The following PRPF6 variants were observed in gnomAD, a reference collection of about 807,000 sequenced individuals.
PRPF6 encodes the protein pre-mRNA processing factor 6.
PRPF6 carries 42 observed loss-of-function variants against 118.3 expected under a neutral mutation model. The observed-to-expected ratio is 0.35, with a 90% CI of 0.28 to 0.46. The LOEUF (loss-of-function observed/expected upper bound fraction) is 0.46, where lower values mean the gene tolerates loss of function less well. PRPF6 is among the 20% of genes least tolerant of loss of function. The pLI, the probability that PRPF6 is intolerant of heterozygous loss-of-function variation, is 1.00. For missense variants in PRPF6, 662 were observed against 1,255.7 expected (o/e 0.53, Z 7.15); for synonymous variants, 481 against 485.1 (o/e 0.99, Z 0.11).
rs774301488 is a variant in PRPF6 at position 64,027,032 on chromosome 20, A to C, written c.2079A>C (p.Ala693=). The change falls in exon 16 of 21, where the codon GCA becomes GCC. Residue 693 remains alanine (A), a synonymous_variant. Coordinates refer to ENST00000266079, the MANE Select transcript of PRPF6 (RefSeq NM_012469.4). This position sits in a 1 kb window ranked among gnomAD's most constrained non-coding sequence, Gnocchi z 6.5. ...KLEWVQDNIR[A]AQDLCEEALR... Reference sequence around the variant, plus strand: ...AGTGGGTGCAAGACAACATCAGGGCAGCCCAAGATCTGTGCGAGGAGGCCC... The same window carrying C: ...AGTGGGTGCAAGACAACATCAGGGCCGCCCAAGATCTGTGCGAGGAGGCCC... 6.2e-7 allele frequency: 1 copy of C among 1,614,096 alleles called. No individual in the cohort carries two copies. The highest frequency in any genetic ancestry group is 8.5e-7 in the Non-Finnish European group (1 of 1,180,036).
intron 9 of PRPF6, among the ~76,000 whole-genome samples, chr20:64,003,629 T>G (rs1004419116): frequency 5.3e-5 from 8 of 152,294 alleles, no homozygotes; most frequent in Non-Finnish European, 1.2e-4. Context: ...AGAGTCTCGC[T>G]CTGTCGCCCA....
intron 4 of PRPF6, among the ~76,000 whole-genome samples, chr20:63,994,491 T>C (rs977425513): frequency 1.2e-4 from 19 of 152,318 alleles, no homozygotes; most frequent in African/African-American, 3.6e-4. Context: ...TAGAAAACTA[T>C]TTTTGGGGCT....
At position 64,028,621 on chromosome 20, in the gene PRPF6, G is replaced by A. The variant is rs752680742; in HGVS notation, c.2431+52G>A. The A allele has an allele frequency of 1.6e-5, 26 of 1,593,778 alleles. No homozygotes were observed. In the South Asian group the frequency reaches 2.8e-4, roughly 17 times the overall value. ...GGGGGTGCCCTGACTCCGGTAAGGG[G>A]GTGCCTTGACTCCGGTAAGGGGGTG... On this transcript the variant is annotated intron_variant, in intron 18 of 20. Coordinates refer to ENST00000266079, the MANE Select transcript of PRPF6 (RefSeq NM_012469.4). This position sits in a 1 kb window ranked among gnomAD's most constrained non-coding sequence, Gnocchi z 6.5.
intron 11 of PRPF6, 47 bp from the exon 12 acceptor site, chr20:64,016,673 TGCA>T: frequency 6.2e-7 from 1 of 1,610,512 alleles, no homozygotes; most frequent in Non-Finnish European, 8.5e-7. Flanking sequence ...GTTGGGAATC[TGCA>T]GCTCTGATTT....
chr20:63,994,875 C>G (rs755711002), intron 4 of PRPF6, 41 bp from the exon 5 acceptor site: 1 of 1,613,484 alleles, frequency 6.2e-7, no homozygotes, highest in Admixed American at 1.7e-5. Flanking sequence ...ACATGAAATT[C>G]TGTCAGAGAA....
rs1601530614 is a variant in PRPF6 at position 64,022,844 on chromosome 20, C to T, written c.1735C>T (p.Arg579Cys). The T allele has an allele frequency of 5.6e-6, 9 of 1,614,048 alleles. No homozygotes were observed. Among genetic ancestry groups the T allele is most frequent in the African/African-American group, 1.3e-5 (1 of 75,052 alleles). ...VFPSKKSVWL[R>C]AAYFEKNHGT... The stretch of plus-strand genomic sequence containing the variant: ...CCCCAGCAAGAAGAGTGTGTGGCTG[C>T]GCGCCGCGTACTTCGAGAAGAACCA... The change falls in exon 13 of 21, where the codon CGC becomes TGC. Residue 579 changes from arginine to cysteine, a missense_variant. By Grantham distance (180) the Arg-to-Cys change is radical. This residue lies in a region of PRPF6 where 189 missense variants were observed against 323.5 expected (regional missense o/e 0.58). Transcript: ENST00000266079.
chr20:63,983,288 G>C, intron 2 of PRPF6, 73 bp downstream of exon 2: 1 of 1,588,642 alleles, frequency 6.3e-7, no homozygotes. Flanking sequence ...GTGTGTGTTG[G>C]TGTCTGTAAT....
At chr20:64,022,128 A>G (rs1182044245) in intron 12 of PRPF6, among the ~76,000 whole-genome samples, 1 of 152,238 alleles carries the variant, frequency 6.6e-6, no homozygotes, top group Non-Finnish European at 1.5e-5. Flanking sequence ...GGAAGCAGCA[A>G]GCAGCCCCAT....
chr20:63,999,781 G>A lies in PRPF6; in HGVS notation c.1023+22G>A, dbSNP rs746522046. On this transcript the variant is annotated intron_variant, in intron 8 of 20. Transcript: ENST00000266079. ...CAAGGTGAGGTATTTCCTGGGAGGC[G>A]TTTCCTGGGAGGCTGCGTGATTGTG... The A allele has an allele frequency of 6.2e-6, 10 of 1,612,282 alleles. 1 individual carries two copies. The East Asian group carries it at 1.1e-4, about 18-fold the overall frequency.
At position 63,999,662 on chromosome 20, in the gene PRPF6, CGCCAGCCTGGATTGCATCA is replaced by C; in HGVS notation, c.930_948del (p.Ile313LysfsTer9). On this transcript the variant is annotated frameshift_variant, in exon 8 of 21. Transcript: ENST00000266079. LOFTEE classifies it high-confidence loss of function. Reference sequence around the variant, plus strand: ...GTTCGGGAGACGAACCCTCATCACCCGCCAGCCTGGATTGCATCAGCCCGCCTGGAAGAAGTCACTGGGA... The same window carrying C: ...GTTCGGGAGACGAACCCTCATCACCCGCCCGCCTGGAAGAAGTCACTGGGA... 2.5e-6 allele frequency: 4 copies of C among 1,614,176 alleles called. No homozygotes were observed. Among genetic ancestry groups the C allele is most frequent in the Non-Finnish European group, 3.4e-6 (4 of 1,180,050 alleles).
intron 3 of PRPF6, among the ~76,000 whole-genome samples, chr20:63,990,040 GAC>G (rs2122989790): frequency 6.6e-6 from 1 of 151,932 alleles, no homozygotes; most frequent in South Asian, 2.1e-4. Context: ...TTTTAGTAGA[GAC>G]AGGGTTTTAC....
intron 9 of PRPF6, among the ~76,000 whole-genome samples, chr20:64,002,117 C>A (rs1035442978): frequency 7.7e-6 from 1 of 130,466 alleles, no homozygotes; most frequent in Non-Finnish European, 1.6e-5. Context: ...CTCCCGGGTT[C>A]ACACCATTCT....
rs1446012522 is a variant in PRPF6, at chr20:64,011,682, G to C, written c.1524+179G>C. Among the ~76,000 whole-genome samples the C allele has an allele frequency of 6.6e-6, 1 of 152,248 alleles. No homozygotes were observed. The highest frequency in any genetic ancestry group is 1.5e-5 in the Non-Finnish European group (1 of 68,042). On this transcript the variant is annotated intron_variant, in intron 11 of 20. Coordinates refer to ENST00000266079, the MANE Select transcript of PRPF6 (RefSeq NM_012469.4). This position sits in a 1 kb window ranked among gnomAD's most constrained non-coding sequence, Gnocchi z 6.7. ...GGCATGCCCACTGTCGCTCTTGATG[G>C]ATTCAGGCCTGGAGTTCGTCTTGGG...
At position 64,026,336 on chromosome 20, in the gene PRPF6, G is replaced by T. The variant is rs113846777; in HGVS notation, c.2028+278G>T. On this transcript the variant is annotated intron_variant, in intron 15 of 20. Transcript: ENST00000266079. This position sits in a 1 kb window ranked among gnomAD's most constrained non-coding sequence, Gnocchi z 4.4. ...AGCCTGACCAACATGGAGAAACCCC[G>T]TCTCTACTAAAAATACAAAATTAGC... 3.3e-5 allele frequency among the ~76,000 whole-genome samples: 5 copies of T among 150,584 alleles called. No homozygotes were observed.
chr20:64,014,241 A>G (rs1480998965), intron 11 of PRPF6, among the ~76,000 whole-genome samples: 1 of 151,894 alleles, frequency 6.6e-6, no homozygotes, highest in Non-Finnish European at 1.5e-5. Context: ...TGCCTGTCTA[A>G]CCTTGTTTTT....
intron 9 of PRPF6, among the ~76,000 whole-genome samples, chr20:64,009,873 A>T (rs2059208066): frequency 6.6e-6 from 1 of 152,246 alleles, no homozygotes. Flanking sequence ...AAAGGGAGTC[A>T]TATAGTATAA....
chr20:64,014,017 C>T (rs1299250606), intron 11 of PRPF6, among the ~76,000 whole-genome samples: 1 of 151,698 alleles, frequency 6.6e-6, no homozygotes, highest in Non-Finnish European at 1.5e-5. Context: ...GGCTCTCTGC[C>T]ACATTTGCTT....
Position 64,027,098 on chromosome 20 carries a change from G to C in PRPF6, c.2145G>C (p.Lys715Asn). The C allele has an allele frequency of 6.2e-7, 1 of 1,614,126 alleles. No homozygotes were observed. Among genetic ancestry groups the C allele is most frequent in the Non-Finnish European group, 8.5e-7 (1 of 1,180,028 alleles). Reference protein sequence around the residue: ...YEDFPKLWMMKGQIEEQKEMM... With the variant: ...YEDFPKLWMMNGQIEEQKEMM... ...ACTTCCCCAAGCTGTGGATGATGAA[G>C]GGGCAGATCGAGGAGCAGAAGGAGA... The change falls in exon 16 of 21, where the codon AAG becomes AAC. Residue 715 changes from lysine to asparagine, a missense_variant. By Grantham distance (94) the Lys-to-Asn change is moderately conservative. Around this residue, in one of 10 missense-constraint regions of PRPF6, gnomAD observed 244 missense variants for 383.7 expected, o/e 0.64. Coordinates refer to ENST00000266079, the MANE Select transcript of PRPF6 (RefSeq NM_012469.4). The surrounding 1 kb of genome is among the most constrained non-coding windows in gnomAD (Gnocchi z 6.5).
chr20:64,024,806 G>A, intron 14 of PRPF6, 113 bp downstream of exon 14: 2 of 1,450,986 alleles, frequency 1.4e-6, no homozygotes, highest in Admixed American at 4.0e-5. Context: ...TGTTGTTGGG[G>A]TGCACTGGAG....
Sources: allele counts gnomAD v4.1 joint callset (sites outside exome capture counted in the v4.1 genomes callset), GRCh38; gene constraint gnomAD v4.1.1; regional missense constraint gnomAD v4.1.1; non-coding constraint Gnocchi (gnomAD v3.1); transcripts MANE v1.5; gene names NCBI Gene and HGNC (gene_info 2026-07-23, HGNC 2026-07-21).